FAM3B: variants seen among roughly 807,000 people sequenced by gnomAD.
FAM3B encodes FAM3 metabolism regulating signaling molecule B, also known as protein FAM3B.
FAM3B carries 29 observed loss-of-function variants against 28.4 expected under a neutral mutation model. That is an observed-to-expected ratio of 1.02 (90% CI 0.76 to 1.39). The LOEUF (loss-of-function observed/expected upper bound fraction) is 1.39, where lower values mean the gene tolerates loss of function less well. Ranked by LOEUF, FAM3B falls within the 40% of genes most tolerant of loss-of-function variation. The probability of loss-of-function intolerance (pLI) is 0.00; values close to 1 mark genes in which losing one functional copy is unlikely to be tolerated. For missense variants in FAM3B, 266 were observed against 293.9 expected, an observed-to-expected ratio of 0.91 and a Z score of 0.69; for synonymous variants, 91 against 103.0, an observed-to-expected ratio of 0.88 and a Z score of 0.71.
chr21:41,305,673 G>A (rs1263448302), intron 1 of FAM3B, among the ~76,000 whole-genome samples: 1 of 152,184 alleles, frequency 6.6e-6, no homozygotes, highest in Non-Finnish European at 1.5e-5. Flanking sequence ...GAAATAGTAT[G>A]TCTAAAATAC....
chr21:41,306,460 A>T (rs1195563583), intron 1 of FAM3B, among the ~76,000 whole-genome samples: 4 of 152,246 alleles, frequency 2.6e-5, no homozygotes, highest in South Asian at 2.1e-4. Context: ...ATTCCTTAAA[A>T]TATAAGACTT....
Position 41,338,442 on chromosome 21 carries a change from C to G in FAM3B, c.228C>G (p.Tyr76Ter). The G allele has an allele frequency of 6.2e-7, 1 of 1,614,190 alleles. No individual in the cohort carries two copies. The highest frequency in any genetic ancestry group is 8.5e-7 in the Non-Finnish European group (1 of 1,180,016). ...CCTGCCCATCTGACACCTATGCCTA[C>G]AGGTTACTCAGCGGAGGTGGCAGAA... ...WTPCPSDTYAYRLLSGGGRSK... is the reference protein window; with the variant it reads ...WTPCPSDTYA The change falls in exon 3 of 8, where the codon TAC becomes TAG. Residue 76 changes from tyrosine to a stop codon, truncating the protein, a stop_gained. Coordinates refer to ENST00000357985, the MANE Select transcript of FAM3B (RefSeq NM_058186.4). LOFTEE classifies it high-confidence loss of function.
upstream of FAM3B, among the ~76,000 whole-genome samples, chr21:41,314,399 A>G (rs77871342): frequency 1.6e-3 from 242 of 152,352 alleles, 3 homozygotes; most frequent in East Asian, 0.021. Flanking sequence ...CTAAGGCACC[A>G]TGGCAGGTGC....
intron 2 of FAM3B, among the ~76,000 whole-genome samples, chr21:41,324,578 G>A (rs542087893): frequency 6.6e-6 from 1 of 152,320 alleles, no homozygotes; most frequent in South Asian, 2.1e-4. Context: ...GGGACAGACT[G>A]AATTATCGCC....
chr21:41,315,392 C>G (rs2088741212), upstream of FAM3B, among the ~76,000 whole-genome samples: 1 of 152,134 alleles, frequency 6.6e-6, no homozygotes, highest in South Asian at 2.1e-4. Context: ...CTTTACACTT[C>G]AAGATGGCTA....
chr21:41,309,534 A>C (rs904717904), intron 1 of FAM3B, among the ~76,000 whole-genome samples: 2 of 152,248 alleles, frequency 1.3e-5, no homozygotes, highest in South Asian at 4.1e-4. Context: ...ACAGTTGCAG[A>C]TCAAACCATC....
At chr21:41,336,280 G>A (rs1427175623) in intron 2 of FAM3B, among the ~76,000 whole-genome samples, 1 of 152,204 alleles carries the variant, frequency 6.6e-6, no homozygotes, top group East Asian at 1.9e-4. Flanking sequence ...CCAGCACTTT[G>A]GGAGGCCGAG....
intron 2 of FAM3B, among the ~76,000 whole-genome samples, chr21:41,334,682 G>C (rs114271322): frequency 0.049 from 7,385 of 152,262 alleles, 443 homozygotes; most frequent in African/African-American, 0.14. Flanking sequence ...ACAGTGCAAA[G>C]GGGAAATGTG....
chr21:41,344,579 G>A (rs780325678), intron 4 of FAM3B, 45 bp downstream of exon 4: 1 of 1,559,468 alleles, frequency 6.4e-7, no homozygotes, highest in Non-Finnish European at 8.8e-7. Flanking sequence ...AAAGCTCTCT[G>A]GTCAGATTTT....
At chr21:41,314,538 TTGA>T (rs1393896008), upstream of FAM3B, among the ~76,000 whole-genome samples, 1 of 152,218 alleles carries the variant, frequency 6.6e-6, no homozygotes, top group Non-Finnish European at 1.5e-5. Context: ...GTTCTTGCTA[TTGA>T]TGATGTTTTA....
intron 3 of FAM3B, among the ~76,000 whole-genome samples, chr21:41,339,868 T>A (rs1407930353): frequency 6.6e-6 from 1 of 151,952 alleles, no homozygotes; most frequent in Non-Finnish European, 1.5e-5. Context: ...AATTGGCTCA[T>A]GCAATTATGG....
intron 7 of FAM3B, among the ~76,000 whole-genome samples, chr21:41,350,797 C>T (rs1386048380): frequency 2.6e-5 from 4 of 152,260 alleles, no homozygotes; most frequent in Non-Finnish European, 4.4e-5. Context: ...CCTCCGACTT[C>T]TCTGCTCCTT....
At chr21:41,312,202 T>C (rs2088718882), upstream of FAM3B, among the ~76,000 whole-genome samples, 1 of 152,246 alleles carries the variant, frequency 6.6e-6, no homozygotes, top group Admixed American at 6.5e-5. Flanking sequence ...CAAAACTTGA[T>C]GCGTGGTAGT....
intron 2 of FAM3B, among the ~76,000 whole-genome samples, chr21:41,333,600 G>A (rs144663700): frequency 6.6e-6 from 1 of 152,182 alleles, no homozygotes; most frequent in African/African-American, 2.4e-5. Flanking sequence ...CTGTGGAATC[G>A]TGAGACAATT....
chr21:41,346,727 G>T (rs1171050475), intron 5 of FAM3B, among the ~76,000 whole-genome samples: 1 of 151,974 alleles, frequency 6.6e-6, no homozygotes, highest in Non-Finnish European at 1.5e-5. Flanking sequence ...GGTCAAAAAA[G>T]CTCCTTATCT....
At chr21:41,328,222 A>G (rs745660571) in intron 2 of FAM3B, among the ~76,000 whole-genome samples, 16 of 152,180 alleles carry the variant, frequency 1.1e-4, no homozygotes, top group Non-Finnish European at 1.9e-4. Flanking sequence ...ATTCCCATTC[A>G]TGTATTCTCT....
intron 5 of FAM3B, 141 bp downstream of exon 5, chr21:41,345,877 CTTATG>C (rs1370707787): frequency 1.5e-6 from 1 of 646,342 alleles, no homozygotes; most frequent in Non-Finnish European, 2.8e-6. Context: ...CTAGAGTGGT[CTTATG>C]TAGATCCTCT....
At chr21:41,335,377 G>A (rs1330257583) in intron 2 of FAM3B, among the ~76,000 whole-genome samples, 1 of 152,240 alleles carries the variant, frequency 6.6e-6, no homozygotes, top group Admixed American at 6.5e-5. Flanking sequence ...GGCATGGTGG[G>A]AGGTGTTTGG....
intron 3 of FAM3B, among the ~76,000 whole-genome samples, chr21:41,340,901 A>C (rs2089000455): frequency 6.6e-6 from 1 of 151,984 alleles, no homozygotes; most frequent in South Asian, 2.1e-4. Flanking sequence ...TCTTAATGGC[A>C]AAAAATAAGC....
Sources: gnomAD v4.1 joint callset for allele counts (sites outside exome capture counted in the v4.1 genomes callset) on GRCh38, gnomAD v4.1.1 for gene constraint, MANE v1.5 for transcripts, NCBI Gene and HGNC (gene_info 2026-07-23, HGNC 2026-07-21) for gene names.